Variants in HIP1R observed in about 807,000 individuals in gnomAD.
HIP1R encodes the protein huntingtin-interacting protein 1-related protein.
Under a neutral mutation model 144.2 loss-of-function variants are expected in HIP1R, and 135 were observed. That is an observed-to-expected ratio of 0.94 (90% confidence interval 0.81 to 1.08). The LOEUF (loss-of-function observed/expected upper bound fraction) is 1.08. HIP1R is among the 50% of genes least tolerant of loss of function. The probability of loss-of-function intolerance (pLI) is 0.00; values close to 1 mark genes in which losing one functional copy is unlikely to be tolerated. For missense variants in HIP1R, 1,462 were observed against 1,432.8 expected (o/e 1.02, Z -0.33); for synonymous variants, 698 against 612.8 (o/e 1.14, Z -2.05).
upstream of HIP1R, chr12:122,835,031 G>C (rs1253534821): frequency 7.8e-7 from 1 of 1,284,408 alleles, no homozygotes; most frequent in Non-Finnish European, 1.0e-6. Flanking sequence ...GGGGTGGGGA[G>C]AGGGAATTGG....
chr12:122,858,255 C>G lies in HIP1R; in HGVS notation c.1963+6C>G, dbSNP rs781176676. On this transcript the variant is annotated splice_donor_region_variant and intron_variant, in intron 19 of 31. Transcript: ENST00000253083. Reference sequence around the variant, plus strand: ...GCGCTGTACCAGCTCCCCAGGTAGACAGTGGGGCCACACTCAGCCGCTCCC... The same window carrying G: ...GCGCTGTACCAGCTCCCCAGGTAGAGAGTGGGGCCACACTCAGCCGCTCCC... 9 of 1,583,628 alleles carry G rather than the reference C, an allele frequency of 5.7e-6. No homozygotes were observed. In the African/African-American group the frequency reaches 8.1e-5, roughly 14 times the overall value.
In HIP1R at chr12:122,856,470, A is replaced by C; in HGVS notation, c.1440A>C (p.Gln480His). ...CCAAGCAGCTGACGGTGACGCAGCA[A>C]AGCCAGGAGGAGGTGGCGCGGGTGA... is the stretch of plus-strand genomic sequence containing the variant. The part of the protein sequence containing the change: ...DTAKQLTVTQ[Q>H]SQEEVARVKE... Residue 480 changes from glutamine to histidine, a missense_variant, in exon 16 of 32, where the codon CAA becomes CAC. Transcript: ENST00000253083. 6.3e-7 allele frequency: 1 copy of C among 1,590,234 alleles called. No homozygotes were observed. The highest frequency in any genetic ancestry group is 8.6e-7 in the Non-Finnish European group (1 of 1,167,864).
At chr12:122,859,004 G>T (rs1160219332) in intron 21 of HIP1R, 57 bp from the exon 22 acceptor site, 1 of 1,597,912 alleles carries the variant, frequency 6.3e-7, no homozygotes, top group Non-Finnish European at 8.5e-7. Flanking sequence ...TCCCCTGGGG[G>T]TCCTTATGGA....
chr12:122,843,194 G>A (rs1471415294), intron 1 of HIP1R, among the ~76,000 whole-genome samples: 6 of 152,218 alleles, frequency 3.9e-5, no homozygotes, highest in Non-Finnish European at 8.8e-5. Context: ...CCCAGGCCTA[G>A]CCCGCACCCT....
At chr12:122,856,968 G>A in intron 17 of HIP1R, 53 bp from the exon 18 acceptor site, 1 of 1,508,266 alleles carries the variant, frequency 6.6e-7, no homozygotes, top group Non-Finnish European at 9.0e-7. Context: ...GGGGCAGGGT[G>A]GGTGGGGCCT....
At chr12:122,859,341 C>T (rs1212868774) in intron 22 of HIP1R, 85 bp from the exon 23 acceptor site, 10 of 1,476,364 alleles carry the variant, frequency 6.8e-6, no homozygotes, top group Non-Finnish European at 9.4e-6. Context: ...CTCCTCGATC[C>T]CTGTGGTCCC....
chr12:122,843,524 C>T (rs2033118146), intron 1 of HIP1R, among the ~76,000 whole-genome samples: 1 of 152,194 alleles, frequency 6.6e-6, no homozygotes, highest in African/African-American at 2.4e-5. Context: ...CTTGGCGATG[C>T]CAGCTATCCT....
At chr12:122,851,100 G>A (rs1593874446) in intron 6 of HIP1R, 136 bp from the exon 7 acceptor site, 9 of 892,160 alleles carry the variant, frequency 1.0e-5, no homozygotes, top group Middle Eastern at 3.5e-4. Context: ...AAGGACTGTC[G>A]TCCTGGCAGA....
At chr12:122,837,133 G>C (rs978086648) in intron 1 of HIP1R, among the ~76,000 whole-genome samples, 1 of 152,108 alleles carries the variant, frequency 6.6e-6, no homozygotes, top group African/African-American at 2.4e-5. Context: ...GTTTTTTCTC[G>C]TGCCTTTGAG....
intron 1 of HIP1R, among the ~76,000 whole-genome samples, chr12:122,846,395 C>T (rs1032125935): frequency 2.6e-5 from 4 of 152,196 alleles, no homozygotes; most frequent in Admixed American, 6.5e-5. Flanking sequence ...TGCTGGGAGG[C>T]GAGTTGCCCA....
chr12:122,862,483 C>T lies in HIP1R; in HGVS notation c.*730C>T, dbSNP rs1298226009. 1 of 152,494 alleles carries T rather than the reference C, an allele frequency of 6.6e-6. No individual in the cohort carries two copies. The allele number at this position is 152,494 out of a possible 1,614,324, so 9.4% of individuals were successfully genotyped here. A position where few individuals can be genotyped will look rare whatever the true frequency, so the allele number is the denominator to read the frequency against. The stretch of plus-strand genomic sequence containing the variant: ...TTCCAGCTGGAATCTGCAGCCACCC[C>T]CATTTCCTGTTTTCCATTCCCCCGT... On this transcript the variant is annotated 3_prime_UTR_variant, in exon 32 of 32. Coordinates refer to ENST00000253083, the MANE Select transcript of HIP1R (RefSeq NM_003959.3).
In HIP1R at chr12:122,855,385, C is replaced by T. The variant is rs778934790; in HGVS notation, c.973C>T (p.Pro325Ser). 5.7e-6 allele frequency: 9 copies of T among 1,576,934 alleles called. No individual in the cohort carries two copies. The East Asian group carries it at 7.0e-5, about 12-fold the overall frequency. ...PENLIEISTG[P>S]PAGEPVVVAD... Reference sequence around the variant, plus strand: ...GAATCTCATTGAGATCAGCACAGGGCCCCCCGCGGGGGAGCCAGTGGTGAG... The same window carrying T: ...GAATCTCATTGAGATCAGCACAGGGTCCCCCGCGGGGGAGCCAGTGGTGAG... Residue 325 changes from proline to serine, a missense_variant, in exon 11 of 32, where the codon CCC (proline) becomes TCC (serine). This residue lies in a region of HIP1R where 1,112 missense variants were observed against 1,011.7 expected (regional missense o/e 1.10). Transcript: ENST00000253083.
At chr12:122,856,900 G>A (rs1470945784) in intron 17 of HIP1R, 121 bp from the exon 18 acceptor site, 51 of 1,112,032 alleles carry the variant, frequency 4.6e-5, no homozygotes, top group Non-Finnish European at 6.4e-5. Context: ...TGGTCCTCAG[G>A]GAGCCCTGAG....
chr12:122,852,217 A>C (rs1435224050), intron 7 of HIP1R, among the ~76,000 whole-genome samples: 1 of 152,208 alleles, frequency 6.6e-6, no homozygotes, highest in Non-Finnish European at 1.5e-5. Flanking sequence ...AGGTCTGGCC[A>C]GTGCAGCTGG....
Position 122,857,137 on chromosome 12 carries a change from G to C in HIP1R, c.1737G>C (p.Glu579Asp). ...DLLAAQSLVR[E>D]TEAALSREQQ... ...TGGCGGCGCAGAGCCTGGTGCGCGA[G>C]ACAGAGGCGGCGCTGAGCCGGGAGC... The change falls in exon 18 of 32, where the codon GAG becomes GAC. Residue 579 changes from glutamate to aspartate, a missense_variant. Glu to Asp is a conservative substitution (Grantham distance 45). Around this residue, in one of 2 missense-constraint regions of HIP1R, gnomAD observed 1,112 missense variants for 1,011.7 expected, o/e 1.10. Coordinates refer to ENST00000253083, the MANE Select transcript of HIP1R (RefSeq NM_003959.3). 2.6e-6 allele frequency: 4 copies of C among 1,550,498 alleles called. No individual in the cohort carries two copies. Among genetic ancestry groups the C allele is most frequent in the Non-Finnish European group, 2.6e-6 (3 of 1,146,924 alleles).
chr12:122,835,659 G>A lies in HIP1R; in HGVS notation c.93+16G>A. The A allele has an allele frequency of 1.0e-6, 1 of 967,138 alleles. No homozygotes were observed. Among genetic ancestry groups the A allele is most frequent in the Non-Finnish European group, 1.2e-6 (1 of 825,684 alleles). The allele number at this position is 967,138 out of a possible 1,614,324, so 59.9% of individuals were successfully genotyped here. ...CAAGACCCAGGCGAGCGGGCGGCGG[G>A]CGGCGGGCGGCGGGCGGCGGCGGGC... On this transcript the variant is annotated intron_variant, in intron 1 of 31. Transcript: ENST00000253083.
intron 18 of HIP1R, chr12:122,857,705 C>T: frequency 3.7e-6 from 1 of 268,518 alleles, no homozygotes; most frequent in Non-Finnish European, 7.1e-6. Context: ...ACCAGCAACG[C>T]ATGAATGTTC....
intron 20 of HIP1R, 31 bp downstream of exon 20, chr12:122,858,466 G>A: frequency 1.3e-6 from 2 of 1,540,694 alleles, no homozygotes; most frequent in Non-Finnish European, 1.8e-6. Flanking sequence ...GCGGAGGCGG[G>A]GGCTGTGTCC....
At chr12:122,851,004 T>A in intron 6 of HIP1R, 93 bp downstream of exon 6, 1 of 1,117,788 alleles carries the variant, frequency 8.9e-7, no homozygotes, top group African/African-American at 1.6e-5. Context: ...CATGGGGCAG[T>A]GGGGTTGAAT....
Sources: allele counts gnomAD v4.1 joint callset (sites outside exome capture counted in the v4.1 genomes callset), GRCh38; gene constraint gnomAD v4.1.1; regional missense constraint gnomAD v4.1.1; transcripts MANE v1.5; gene names NCBI Gene and HGNC (gene_info 2026-07-23, HGNC 2026-07-21).